The following BRD7 variants were observed in gnomAD, a reference collection of about 807,000 sequenced individuals.
The protein encoded by BRD7 is bromodomain containing 7.
In BRD7, 15 loss-of-function variants were observed where a neutral mutation model predicts 82.1. The ratio of observed to expected loss-of-function variants is 0.18; its 90% CI spans 0.12 to 0.28. The LOEUF (loss-of-function observed/expected upper bound fraction) is 0.28, where lower values mean the gene tolerates loss of function less well. Ranked by LOEUF, BRD7 falls within the 10% of genes least tolerant of loss-of-function variation. BRD7 has a pLI of 1.00. For synonymous variants in BRD7, 232 were observed against 266.9 expected, an observed-to-expected ratio of 0.87 and a Z score of 1.27; for missense variants, 638 against 779.9, an observed-to-expected ratio of 0.82 and a Z score of 2.17.
At chr16:50,362,877 C>G (rs1190759410) in intron 2 of BRD7, among the ~76,000 whole-genome samples, 1 of 152,210 alleles carries the variant, frequency 6.6e-6, no homozygotes, top group Non-Finnish European at 1.5e-5. Flanking sequence ...CACTACTGAA[C>G]TGCACACTTA....
chr16:50,350,226 G>C, intron 4 of BRD7, 59 bp from the exon 5 acceptor site: 1 of 1,312,932 alleles, frequency 7.6e-7, no homozygotes, highest in Non-Finnish European at 1.0e-6. Context: ...AAATCTATTG[G>C]TCTAGGAGCA....
At chr16:50,364,314 T>A (rs763803158) in intron 2 of BRD7, among the ~76,000 whole-genome samples, 5 of 152,170 alleles carry the variant, frequency 3.3e-5, no homozygotes, top group African/African-American at 7.2e-5. Flanking sequence ...TCAACTACTA[T>A]TCCTAAAACT....
chr16:50,327,812 T>C (rs1254748388), intron 9 of BRD7, among the ~76,000 whole-genome samples: 1 of 152,212 alleles, frequency 6.6e-6, no homozygotes, highest in African/African-American at 2.4e-5. Flanking sequence ...ATGTGAGTCC[T>C]CTTCCCCCGA....
chr16:50,332,704 G>A (rs2037619245), intron 8 of BRD7, among the ~76,000 whole-genome samples: 1 of 152,080 alleles, frequency 6.6e-6, no homozygotes, highest in Non-Finnish European at 1.5e-5. Context: ...GCAGCACTGT[G>A]CACAACAAAG....
chr16:50,344,370 C>T (rs536391710), intron 5 of BRD7, among the ~76,000 whole-genome samples: 10 of 152,288 alleles, frequency 6.6e-5, no homozygotes, highest in Admixed American at 3.9e-4. Flanking sequence ...TCCAAAGGAA[C>T]GCAGCTCCTT....
At position 50,325,819 on chromosome 16, in the gene BRD7, A is replaced by G. The variant is rs1597029713; in HGVS notation, c.1260T>C (p.Asn420=). The G allele has an allele frequency of 3.1e-6, 5 of 1,612,078 alleles. No individual in the cohort carries two copies. Among genetic ancestry groups the G allele is most frequent in the Middle Eastern group, 1.7e-4 (1 of 5,998 alleles). ...YAPHYDSTFA[N]ISKDDSDLIY... is the part of the protein sequence containing the mutation. The stretch of plus-strand genomic sequence containing the variant: ...TTAAATCAGAATCATCCTTGCTGAT[A>G]TTTGCAAATGTGGAGTCATAATGCG... The change falls in exon 11 of 17, where the codon AAT becomes AAC. Residue 420 remains asparagine (N), a synonymous_variant. Coordinates refer to ENST00000394688, the MANE Select transcript of BRD7 (RefSeq NM_013263.5).
At chr16:50,329,501 CAAGA>C (rs2037469401) in intron 8 of BRD7, among the ~76,000 whole-genome samples, 1 of 152,098 alleles carries the variant, frequency 6.6e-6, no homozygotes, top group South Asian at 2.1e-4. Context: ...GTGGAGGGAC[CAAGA>C]AATGGGCAAA....
At chr16:50,327,292 A>G (rs2037380853) in intron 9 of BRD7, among the ~76,000 whole-genome samples, 1 of 152,206 alleles carries the variant, frequency 6.6e-6, no homozygotes, top group Non-Finnish European at 1.5e-5. Flanking sequence ...AGAAACTGGA[A>G]ACCCAGGAAA....
chr16:50,343,931 G>C (rs1011885181), intron 5 of BRD7, among the ~76,000 whole-genome samples: 24 of 152,198 alleles, frequency 1.6e-4, no homozygotes, highest in Non-Finnish European at 2.2e-4. Flanking sequence ...TGCCAGCATG[G>C]AGTTTGAGAT....
Position 50,354,832 on chromosome 16 carries a change from G to C in BRD7, c.349C>G (p.Pro117Ala). 1 of 1,612,494 alleles carries C rather than the reference G, an allele frequency of 6.2e-7. No homozygotes were observed. The highest frequency in any genetic ancestry group is 1.1e-5 in the South Asian group (1 of 91,012). ...AAAGAGCTTGTGAGAGGCTTCTCAG[G>C]AGGCAAGTCTAATCTCACAGGGGCG... ...CHAPVRLDLP[P>A]EKPLTSSLAK... The change falls in exon 3 of 17, where the codon CCT (proline) becomes GCT (alanine). Residue 117 changes from proline (P) to alanine (A), a missense_variant. Coordinates refer to ENST00000394688, the MANE Select transcript of BRD7 (RefSeq NM_013263.5).
chr16:50,323,736 C>G, intron 11 of BRD7, 38 bp from the exon 12 acceptor site: 1 of 1,481,176 alleles, frequency 6.8e-7, no homozygotes, highest in Non-Finnish European at 9.4e-7. Context: ...CATAAATCAC[C>G]TCCACTGGCT....
At chr16:50,329,395 C>G (rs1350621688) in intron 8 of BRD7, among the ~76,000 whole-genome samples, 1 of 152,222 alleles carries the variant, frequency 6.6e-6, no homozygotes, top group Non-Finnish European at 1.5e-5. Context: ...CCCACCATCT[C>G]ACTGCCACCC....
intron 11 of BRD7, among the ~76,000 whole-genome samples, chr16:50,325,383 G>A (rs2037293241): frequency 6.6e-6 from 1 of 152,144 alleles, no homozygotes; most frequent in African/African-American, 2.4e-5. Flanking sequence ...ATGCACTGTA[G>A]GTTCCCAAAC....
intron 4 of BRD7, among the ~76,000 whole-genome samples, chr16:50,350,855 C>G (rs1330900895): frequency 6.6e-6 from 1 of 152,088 alleles, no homozygotes; most frequent in Non-Finnish European, 1.5e-5. Context: ...GGGGAAGAAG[C>G]GGGAGGAAGA....
chr16:50,317,618 ATAATAGTTTGTAAG>A lies in BRD7; in HGVS notation c.*1579_*1592del, dbSNP rs1438213891. 6.6e-6 allele frequency: 1 copy of A among 152,364 alleles called. No homozygotes were observed. Among genetic ancestry groups the A allele is most frequent in the African/African-American group, 2.4e-5 (1 of 41,444 alleles). The allele number at this position is 152,364 out of a possible 1,614,324, so 9.4% of individuals were successfully genotyped here. ...CAAAGCACTGTGCTGTGCTCAGATA[ATAATAGTTTGTAAG>A]TAAAAGTTTTTAGTTTTCAGTGTTC... On this transcript the variant is annotated 3_prime_UTR_variant, in exon 17 of 17. Coordinates refer to ENST00000394688, the MANE Select transcript of BRD7 (RefSeq NM_013263.5).
chr16:50,334,754 C>T lies in BRD7; in HGVS notation c.844G>A (p.Ala282Thr). 6.2e-7 allele frequency: 1 copy of T among 1,613,974 alleles called. No individual in the cohort carries two copies. ...GGACTCTTGAAGGCGTGTGCTTCGG[C>T]ATCTCCAGAGTCCTCTCTCTCTCTC... ...WQREREDSGD[A>T]EAHAFKSPSK... Residue 282 changes from alanine (A) to threonine (T), a missense_variant, in exon 7 of 17, where the codon GCC becomes ACC. Physicochemically the swap from Ala to Thr is moderately conservative, Grantham distance 58. This residue lies in a region of BRD7 where 402 missense variants were observed against 500.8 expected (regional missense o/e 0.80). Transcript: ENST00000394688.
chr16:50,338,525 G>A (rs1262702345), intron 6 of BRD7, among the ~76,000 whole-genome samples: 1 of 152,284 alleles, frequency 6.6e-6, no homozygotes, highest in Admixed American at 6.5e-5. Context: ...GCAGATGCAC[G>A]ACTCATTTTT....
chr16:50,329,667 G>A (rs2037478444), intron 8 of BRD7, among the ~76,000 whole-genome samples: 1 of 152,184 alleles, frequency 6.6e-6, no homozygotes, highest in Admixed American at 6.5e-5. Flanking sequence ...GCCATCCATC[G>A]CACTGTGGTC....
rs1445256104 is a variant in BRD7, at chr16:50,326,273, AG to A, written c.1195+10del. On this transcript the variant is annotated intron_variant, in intron 10 of 16. Coordinates refer to ENST00000394688, the MANE Select transcript of BRD7 (RefSeq NM_013263.5). ...AGAAGAGAAAAAATGACTCCTATGCAGGAGCCTCACCTGGAGTGACTTTGTT... is the reference window on the plus strand; with the variant it reads ...AGAAGAGAAAAAATGACTCCTATGCAGAGCCTCACCTGGAGTGACTTTGTT... 6.2e-7 allele frequency: 1 copy of A among 1,608,166 alleles called. No individual in the cohort carries two copies. Among genetic ancestry groups the A allele is most frequent in the Non-Finnish European group, 8.5e-7 (1 of 1,175,584 alleles).
Sources: allele counts gnomAD v4.1 joint callset (sites outside exome capture counted in the v4.1 genomes callset), GRCh38; gene constraint gnomAD v4.1.1; regional missense constraint gnomAD v4.1.1; transcripts MANE v1.5; gene names NCBI Gene and HGNC (gene_info 2026-07-23, HGNC 2026-07-21).